The following AAMDC variants were observed in gnomAD, a reference collection of about 807,000 sequenced individuals.
AAMDC encodes mth938 domain-containing protein.
In AAMDC, 16 loss-of-function variants were observed where a neutral mutation model predicts 15.5. The observed-to-expected ratio is 1.03, with a 90% CI of 0.70 to 1.57. The LOEUF (loss-of-function observed/expected upper bound fraction) is 1.57. Ranked by LOEUF, AAMDC falls within the 40% of genes most tolerant of loss-of-function variation. The pLI, the probability that AAMDC is intolerant of heterozygous loss-of-function variation, is 0.00. For synonymous variants in AAMDC, 51 were observed against 51.6 expected (o/e 0.99, Z 0.05); for missense variants, 141 against 144.9 (o/e 0.97, Z 0.14).
intron 2 of AAMDC, among the ~76,000 whole-genome samples, chr11:77,861,960 G>C (rs1284035170): frequency 6.6e-6 from 1 of 152,230 alleles, no homozygotes; most frequent in Non-Finnish European, 1.5e-5. Context: ...CTTCAGTACA[G>C]TCAGGTGACA....
At chr11:77,879,627 C>T (rs1423848453) in intron 5 of AAMDC, among the ~76,000 whole-genome samples, 1 of 152,170 alleles carries the variant, frequency 6.6e-6, no homozygotes, top group Non-Finnish European at 1.5e-5. Context: ...AGGAACATGT[C>T]TCAGGGACCT....
At chr11:77,838,320 T>C (rs1428159022) in intron 1 of AAMDC, among the ~76,000 whole-genome samples, 1 of 152,204 alleles carries the variant, frequency 6.6e-6, no homozygotes, top group Non-Finnish European at 1.5e-5. Flanking sequence ...GTAGATATGG[T>C]TAACATCTAC....
At chr11:77,849,072 GGTCC>G (rs920931661) in intron 2 of AAMDC, among the ~76,000 whole-genome samples, 1 of 149,044 alleles carries the variant, frequency 6.7e-6, no homozygotes, top group Non-Finnish European at 1.5e-5. Context: ...GGTCTCACTT[GGTCC>G]CCCAGGCTGG....
chr11:77,869,979 C>T (rs748448693), intron 3 of AAMDC, 162 bp downstream of exon 3: 7 of 574,982 alleles, frequency 1.2e-5, no homozygotes, highest in African/African-American at 3.7e-5. Context: ...GCCTCATCAG[C>T]GTTGGGCTCT....
downstream of AAMDC, among the ~76,000 whole-genome samples, chr11:77,903,793 T>C (rs1258318253): frequency 1.3e-5 from 2 of 152,242 alleles, no homozygotes; most frequent in African/African-American, 2.4e-5. Context: ...ATGAGACCAA[T>C]GGTTTGGGCT....
chr11:77,822,197 T>C (rs949092685), intron 1 of AAMDC, among the ~76,000 whole-genome samples: 1 of 152,046 alleles, frequency 6.6e-6, no homozygotes, highest in African/African-American at 2.4e-5. Flanking sequence ...CCCAACACTT[T>C]GGGAAACCGA....
At chr11:77,885,979 T>C (rs1300414595) in intron 5 of AAMDC, among the ~76,000 whole-genome samples, 3 of 152,046 alleles carry the variant, frequency 2.0e-5, no homozygotes, top group Admixed American at 6.6e-5. Flanking sequence ...GGCGGGAGGA[T>C]TGCTTGAAGA....
intron 2 of AAMDC, among the ~76,000 whole-genome samples, chr11:77,845,356 T>C (rs1311459749): frequency 4.6e-5 from 7 of 152,186 alleles, no homozygotes; most frequent in Non-Finnish European, 1.0e-4. Context: ...TTGATTCTTA[T>C]CTGCTGTTGA....
chr11:77,833,594 C>T (rs924614586), intron 1 of AAMDC, among the ~76,000 whole-genome samples: 4 of 152,186 alleles, frequency 2.6e-5, no homozygotes, highest in African/African-American at 9.7e-5. Context: ...TAACAGATCA[C>T]GGACTGGTAG....
intron 2 of AAMDC, among the ~76,000 whole-genome samples, chr11:77,867,352 A>G (rs1164375990): frequency 6.6e-6 from 1 of 152,194 alleles, no homozygotes; most frequent in Admixed American, 6.5e-5. Flanking sequence ...GACCCAGTTA[A>G]AACAGCATGT....
intron 1 of AAMDC, among the ~76,000 whole-genome samples, chr11:77,834,448 T>G (rs970770998): frequency 8.1e-5 from 12 of 148,286 alleles, no homozygotes; most frequent in African/African-American, 2.5e-4. Flanking sequence ...TTTGTTTTTT[T>G]TTTTTTTTTT....
chr11:77,883,069 G>A (rs752185879), intron 5 of AAMDC, among the ~76,000 whole-genome samples: 3 of 105,744 alleles, frequency 2.8e-5, no homozygotes, highest in Admixed American at 9.8e-5. Flanking sequence ...GCAAGACTCC[G>A]TCTCAAAATA....
At chr11:77,874,031 T>C (rs1433971973), downstream of AAMDC, among the ~76,000 whole-genome samples, 1 of 152,206 alleles carries the variant, frequency 6.6e-6, no homozygotes, top group African/African-American at 2.4e-5. Context: ...AGATGTGGCT[T>C]GGCAAGAAAA....
At chr11:77,894,594 G>A (rs1394369199) in intron 5 of AAMDC, among the ~76,000 whole-genome samples, 1 of 152,192 alleles carries the variant, frequency 6.6e-6, no homozygotes, top group Non-Finnish European at 1.5e-5. Context: ...GAGTATCACA[G>A]GCTACACTTG....
chr11:77,834,732 G>C (rs1360621719), intron 1 of AAMDC, among the ~76,000 whole-genome samples: 1 of 152,004 alleles, frequency 6.6e-6, no homozygotes, highest in African/African-American at 2.4e-5. Flanking sequence ...TGGATTTTAA[G>C]GGTAATTCAA....
chr11:77,854,879 C>A (rs1420886014), intron 2 of AAMDC, among the ~76,000 whole-genome samples: 1 of 152,220 alleles, frequency 6.6e-6, no homozygotes, highest in Non-Finnish European at 1.5e-5. Flanking sequence ...TACGCACCCC[C>A]AGCAGACTTC....
In AAMDC at chr11:77,842,603, G is replaced by C; in HGVS notation, c.107G>C (p.Trp36Ser). Reference protein sequence around the residue: ...CKVWPGGSRTWDWRETGTEHS... With the variant: ...CKVWPGGSRTSDWRETGTEHS... ...GTATGGCCAGGGGGTAGTCGGACTT[G>C]GGATTGGAGAGAAACAGGAACTGAG... The change falls in exon 2 of 4, where the codon TGG (tryptophan) becomes TCG (serine). Residue 36 changes from tryptophan (W) to serine (S), a missense_variant. Coordinates refer to ENST00000393427, the MANE Select transcript of AAMDC (RefSeq NM_024684.4). 6.2e-7 allele frequency: 1 copy of C among 1,613,526 alleles called. No individual in the cohort carries two copies. The highest frequency in any genetic ancestry group is 8.5e-7 in the Non-Finnish European group (1 of 1,179,888).
Position 77,878,229 on chromosome 11 carries a change from A to G in AAMDC, c.328+1180A>G, listed in dbSNP as rs535047187. ...TACAAAAAATTAGCAAGGCGTGGTG[A>G]CAGGCGCCTGTAGTCCCACCTACTC... On this transcript the variant is annotated intron_variant, in intron 5 of 5. Transcript: ENST00000304716. Among the ~76,000 whole-genome samples the G allele has an allele frequency of 1.3e-3, 192 of 152,100 alleles. 1 individual carries two copies. Among genetic ancestry groups the G allele is most frequent in the Admixed American group, 1.7e-3 (26 of 15,270 alleles).
chr11:77,871,614 G>A lies in AAMDC; in HGVS notation c.229-561G>A, dbSNP rs961136357. On this transcript the variant is annotated intron_variant, in intron 3 of 3. Transcript: ENST00000393427. ...TTCATCCTCACACCAACCCTGTGAT[G>A]TAAGTACTATTATACCTATTTTACA... 2.0e-5 allele frequency among the ~76,000 whole-genome samples: 3 copies of A among 152,166 alleles called. No individual in the cohort carries two copies. In the East Asian group the frequency reaches 5.8e-4, roughly 29 times the overall value.
Sources: allele counts gnomAD v4.1 joint callset (sites outside exome capture counted in the v4.1 genomes callset), GRCh38; gene constraint gnomAD v4.1.1; transcripts MANE v1.5; gene names NCBI Gene and HGNC (gene_info 2026-07-23, HGNC 2026-07-21).